The following CHRNA2 variants were observed in gnomAD, a reference collection of about 807,000 sequenced individuals.
CHRNA2 encodes neuronal acetylcholine receptor subunit alpha-2.
Under a neutral mutation model 45.5 loss-of-function variants are expected in CHRNA2, and 40 were observed. That is an observed-to-expected ratio of 0.88 (90% CI 0.68 to 1.15). CHRNA2 has a LOEUF of 1.15. Among genes scored for constraint, CHRNA2 ranks in the 50% most tolerant of loss-of-function variants. The pLI is 0.00. For missense variants in CHRNA2, 655 were observed against 701.7 expected (o/e 0.93, Z 0.75); for synonymous variants, 301 against 296.7 (o/e 1.01, Z -0.15).
In CHRNA2 at chr8:27,470,750, C is replaced by T. The variant is rs2565066; in HGVS notation, c.73+236G>A. On this transcript the variant is annotated intron_variant, in intron 2 of 6. Coordinates refer to ENST00000407991, the MANE Select transcript of CHRNA2 (RefSeq NM_000742.4). ...CCTGGGAGGTACACAACACTATTTGCGTTTTGCAGCTGAGGACATTGAAGC... is the reference window on the plus strand; with the variant it reads ...CCTGGGAGGTACACAACACTATTTGTGTTTTGCAGCTGAGGACATTGAAGC... Among the ~76,000 whole-genome samples, 24,596 of 152,168 alleles carry T rather than the reference C, an allele frequency of 0.16. 2,291 individuals carry two copies. Among genetic ancestry groups the T allele is most frequent in the East Asian group, 0.44 (2,263 of 5,154 alleles).
intron 5 of CHRNA2, among the ~76,000 whole-genome samples, chr8:27,464,356 G>C (rs1027570828): frequency 6.6e-6 from 1 of 151,948 alleles, no homozygotes; most frequent in African/African-American, 2.4e-5. Context: ...TGTGATCATG[G>C]GGTATATGTT....
chr8:27,461,860 G>GC (rs1812503399), intron 6 of CHRNA2, 106 bp from the exon 7 acceptor site: 6 of 1,501,620 alleles, frequency 4.0e-6, no homozygotes, highest in Non-Finnish European at 5.5e-6. Flanking sequence ...AGCAGCAACT[G>GC]CCCCACAGAG....
chr8:27,463,306 C>G lies in CHRNA2; in HGVS notation c.1137G>C (p.Leu379=). 6.2e-7 allele frequency: 1 copy of G among 1,611,310 alleles called. No homozygotes were observed. The highest frequency in any genetic ancestry group is 1.1e-5 in the South Asian group (1 of 91,052). The part of the protein sequence containing the change: ...ALLGCVPRWL[L]MNRPPPPVEL... ...CCACGGGTGGTGGGGGCCGGTTCAT[C>G]AGAAGCCACCGGGGCACACAGCCCA... The change falls in exon 6 of 7, where the codon CTG becomes CTC. Residue 379 remains leucine, a synonymous_variant. Transcript: ENST00000407991. The surrounding 1 kb of genome is among the most constrained non-coding windows in gnomAD (Gnocchi z 6.1).
intron 1 of CHRNA2, among the ~76,000 whole-genome samples, chr8:27,471,927 A>G (rs1203990202): frequency 5.3e-5 from 8 of 152,190 alleles, no homozygotes; most frequent in Admixed American, 5.2e-4. Context: ...TGGGGCTTTC[A>G]GCCCCACCCC....
Position 27,462,466 on chromosome 8 carries a change from G to A in CHRNA2, c.1464+513C>T, listed in dbSNP as rs371616656. The stretch of plus-strand genomic sequence containing the variant: ...GCCATGGCAGGGGCGGGGGAGCGGA[G>A]TCCACCTGGCACAACCAAGAATCTG... On this transcript the variant is annotated intron_variant, in intron 6 of 6. Coordinates refer to ENST00000407991, the MANE Select transcript of CHRNA2 (RefSeq NM_000742.4). Among the ~76,000 whole-genome samples, 21 of 152,304 alleles carry A rather than the reference G, an allele frequency of 1.4e-4. No individual in the cohort carries two copies. In the East Asian group the frequency reaches 3.9e-3, roughly 28 times the overall value.
rs150333280 is a variant in CHRNA2, at chr8:27,463,243, A to C, written c.1200T>G (p.Ser400=). ...CCACGTTGCTCTCCAGCCAGTGATA[A>C]GAGGGGCTGAGCTTCAGGCGTAGGG... ...CHPLRLKLSP[S]YHWLESNVDA... is the part of the protein sequence containing the mutation. Residue 400 remains serine, a synonymous_variant, in exon 6 of 7, where the codon TCT becomes TCG. Coordinates refer to ENST00000407991, the MANE Select transcript of CHRNA2 (RefSeq NM_000742.4). This position sits in a 1 kb window ranked among gnomAD's most constrained non-coding sequence, Gnocchi z 6.1. The C allele has an allele frequency of 3.3e-5, 52 of 1,595,844 alleles. No homozygotes were observed. The highest frequency in any genetic ancestry group is 4.3e-5 in the Non-Finnish European group (50 of 1,168,426).
At chr8:27,473,328 C>T (rs1449439303) in intron 1 of CHRNA2, among the ~76,000 whole-genome samples, 2 of 152,048 alleles carry the variant, frequency 1.3e-5, no homozygotes, top group East Asian at 1.9e-4. Flanking sequence ...TACTAAATGC[C>T]AATAACGATC....
At chr8:27,477,579 C>G (rs1813098829) in intron 1 of CHRNA2, among the ~76,000 whole-genome samples, 1 of 152,072 alleles carries the variant, frequency 6.6e-6, no homozygotes, top group South Asian at 2.1e-4. Context: ...ACCTGCATCC[C>G]CTGTGATAAG....
In CHRNA2 at chr8:27,470,050, T is replaced by C. The variant is rs1381053570; in HGVS notation, c.74-69A>G. 9 of 1,366,374 alleles carry C rather than the reference T, an allele frequency of 6.6e-6. No individual in the cohort carries two copies. In the East Asian group the frequency reaches 1.9e-4, roughly 29 times the overall value. The allele number at this position is 1,366,374 out of a possible 1,614,324, so 84.6% of individuals were successfully genotyped here. A position where few individuals can be genotyped will look rare whatever the true frequency, so the allele number is the denominator to read the frequency against. On this transcript the variant is annotated intron_variant, in intron 2 of 6. Coordinates refer to ENST00000407991, the MANE Select transcript of CHRNA2 (RefSeq NM_000742.4). ...TGCTCATCTGTAAAATGGAGATGCTTATCCAGAACCTATCTCAAAACATTG... is the reference window on the plus strand; with the variant it reads ...TGCTCATCTGTAAAATGGAGATGCTCATCCAGAACCTATCTCAAAACATTG...
Position 27,471,183 on chromosome 8 carries a change from T to C in CHRNA2, c.-125A>G. 2 of 888,786 alleles carry C rather than the reference T, an allele frequency of 2.3e-6. No homozygotes were observed. The highest frequency in any genetic ancestry group is 3.7e-6 in the Non-Finnish European group (2 of 545,186). The allele number at this position is 888,786 out of a possible 1,614,324, so 55.1% of individuals were successfully genotyped here. On this transcript the variant is annotated 5_prime_UTR_variant, in exon 2 of 7. Transcript: ENST00000407991. ...CTGCTGGATTCTGCGAGGCTTCCTC[T>C]CACCACCGAACCTGAGCAAGCCCAA...
rs368791756 is a variant in CHRNA2 at position 27,463,379 on chromosome 8, C to T, written c.1064G>A (p.Arg355His). ...ITVFVLNVHH[R>H]SPSTHTMPHW... ...GGGCATGGTGTGGGTGCTGGGGGAG[C>T]GGTGGTGCACATTGAGCACGAAGAC... is the stretch of plus-strand genomic sequence containing the variant. The change falls in exon 6 of 7, where the codon CGC (arginine) becomes CAC (histidine). Residue 355 changes from arginine to histidine, a missense_variant. Transcript: ENST00000407991. This position sits in a 1 kb window ranked among gnomAD's most constrained non-coding sequence, Gnocchi z 6.1. 3.2e-5 allele frequency: 51 copies of T among 1,613,898 alleles called. No homozygotes were observed. The highest frequency in any genetic ancestry group is 9.3e-5 in the African/African-American group (7 of 74,874).
In CHRNA2 at chr8:27,469,852, C is replaced by T. The variant is rs548268816; in HGVS notation, c.203G>A (p.Arg68Gln). The T allele has an allele frequency of 4.6e-5, 74 of 1,613,970 alleles. 1 individual carries two copies. The highest frequency in any genetic ancestry group is 2.0e-4 in the Admixed American group (12 of 60,008). The change falls in exon 3 of 7, where the codon CGG becomes CAG. Residue 68 changes from arginine to glutamine, a missense_variant. Physicochemically the swap from Arg to Gln is conservative, Grantham distance 43 (BLOSUM62 1). This residue lies in a region of CHRNA2 where 323 missense variants were observed against 354.4 expected (regional missense o/e 0.91). Transcript: ENST00000407991. The part of the protein sequence containing the change: ...TEDRLFKHLF[R>Q]GYNRWARPVP... ...CGGGCGCGCCCAGCGGTTGTAGCCC[C>T]GGAAGAGGTGTTTGAAGAGCCGGTC...
At chr8:27,472,913 A>G (rs972857539) in intron 1 of CHRNA2, among the ~76,000 whole-genome samples, 1 of 152,222 alleles carries the variant, frequency 6.6e-6, no homozygotes, top group Non-Finnish European at 1.5e-5. Flanking sequence ...TTTGCCAAAC[A>G]TGGAGAATCA....
In CHRNA2 at chr8:27,461,592, C is replaced by T. The variant is rs141508075; in HGVS notation, c.*37G>A. The T allele has an allele frequency of 3.1e-5, 50 of 1,613,484 alleles. No homozygotes were observed. Among genetic ancestry groups the T allele is most frequent in the African/African-American group, 5.3e-5 (4 of 75,046 alleles). ...GCAGAGACGGTCAAAAGATGGTCAG[C>T]GGGGGTGCCCTGGGAGCCAGCTCGA... On this transcript the variant is annotated 3_prime_UTR_variant, in exon 7 of 7. Coordinates refer to ENST00000407991, the MANE Select transcript of CHRNA2 (RefSeq NM_000742.4).
intron 3 of CHRNA2, 83 bp downstream of exon 3, chr8:27,469,678 T>A (rs1812808537): frequency 2.0e-6 from 3 of 1,538,196 alleles, no homozygotes. Context: ...AGGGCAGGGC[T>A]GGGGTAGAGG....
chr8:27,470,892 G>T, intron 2 of CHRNA2, 94 bp downstream of exon 2: 1 of 1,325,848 alleles, frequency 7.5e-7, no homozygotes, highest in Non-Finnish European at 1.1e-6. Context: ...CAGCTTTGAC[G>T]GTTGCAACAC....
chr8:27,464,107 T>G (rs985439682), intron 5 of CHRNA2, 114 bp from the exon 6 acceptor site: 2 of 1,217,076 alleles, frequency 1.6e-6, no homozygotes, highest in Admixed American at 3.9e-5. Flanking sequence ...CCGGCCACAC[T>G]GGCGGGGTTT....
At chr8:27,465,485 G>A (rs145391792) in intron 5 of CHRNA2, among the ~76,000 whole-genome samples, 2 of 152,126 alleles carry the variant, frequency 1.3e-5, no homozygotes, top group Non-Finnish European at 2.9e-5. Context: ...GGGCTGGAGT[G>A]CAGGGGTGTG....
rs1246904851 is a variant in CHRNA2 at position 27,461,674 on chromosome 8, C to T, written c.1545G>A (p.Gly515=). The part of the protein sequence containing the change: ...LWLFIIVCFL[G]TIGLFLPPFL... ...ACGGAGGCAGAAAGAGGCCGATGGT[C>T]CCCAGGAAGCAGACGATGATAAACA... Residue 515 remains glycine, a synonymous_variant, in exon 7 of 7, where the codon GGG becomes GGA. Transcript: ENST00000407991. The T allele has an allele frequency of 8.1e-6, 13 of 1,614,084 alleles. No homozygotes were observed. The Middle Eastern group carries it at 4.9e-4, about 61-fold the overall frequency.
Sources: allele counts gnomAD v4.1 joint callset (sites outside exome capture counted in the v4.1 genomes callset), GRCh38; gene constraint gnomAD v4.1.1; regional missense constraint gnomAD v4.1.1; non-coding constraint Gnocchi (gnomAD v3.1); transcripts MANE v1.5; gene names NCBI Gene and HGNC (gene_info 2026-07-23, HGNC 2026-07-21).